Variants in DENND3 observed in about 807,000 individuals in gnomAD.
The protein encoded by DENND3 is DENN domain-containing protein 3.
A neutral mutation model predicts 135.1 loss-of-function variants in DENND3; 88 were observed. The observed-to-expected ratio is 0.65, with a 90% CI of 0.55 to 0.78. DENND3 has a LOEUF of 0.78. Ranked by LOEUF, DENND3 falls within the 30% of genes least tolerant of loss-of-function variation. The pLI is 0.00. For synonymous variants in DENND3, 693 were observed against 712.3 expected (o/e 0.97, Z 0.43); for missense variants, 1,392 against 1,688.4 (o/e 0.82, Z 3.08).
rs528310551 is a variant in DENND3 at position 141,182,413 on chromosome 8, G to A, written c.2944+1559G>A. 8 of 985,446 alleles carry A rather than the reference G, an allele frequency of 8.1e-6. No homozygotes were observed. In the South Asian group the frequency reaches 2.3e-4, roughly 29 times the overall value. The allele number at this position is 985,446 out of a possible 1,614,324, so 61.0% of individuals were successfully genotyped here. ...CGTGAGCCCTACCTGATGTGTCTAA[G>A]CCAGGCTCTGTGCTGACTTCGCCAG... On this transcript the variant is annotated intron_variant, in intron 17 of 22. Transcript: ENST00000519811. The surrounding 1 kb of genome is among the most constrained non-coding windows in gnomAD (Gnocchi z 5.9).
At chr8:141,149,222 T>C (rs1818503724) in intron 5 of DENND3, among the ~76,000 whole-genome samples, 1 of 152,244 alleles carries the variant, frequency 6.6e-6, no homozygotes, top group African/African-American at 2.4e-5. Flanking sequence ...ATTTGCCTTA[T>C]TTTTAACATG....
chr8:141,181,811 G>A (rs1355617538), intron 17 of DENND3, among the ~76,000 whole-genome samples: 1 of 151,432 alleles, frequency 6.6e-6, no homozygotes, highest in Admixed American at 6.6e-5. Context: ...TTGCTCTGTT[G>A]CCCAGGCTGG....
At position 141,163,330 on chromosome 8, in the gene DENND3, T is replaced by C. The variant is rs1211366495; in HGVS notation, c.1353-3T>C. 6.4e-7 allele frequency: 1 copy of C among 1,568,242 alleles called. No homozygotes were observed. Among genetic ancestry groups the C allele is most frequent in the South Asian group, 1.1e-5 (1 of 87,518 alleles). ...GCACTCAGACTCTCTTTCTCTTTGT[T>C]AGGGATGTAAAGAATCATTTAAACT... On this transcript the variant is annotated splice_region_variant and splice_polypyrimidine_tract_variant and intron_variant, in intron 9 of 22. Coordinates refer to ENST00000519811, the MANE Select transcript of DENND3 (RefSeq NM_001352890.3).
intron 8 of DENND3, chr8:141,158,089 T>G (rs1234708667): frequency 2.4e-6 from 3 of 1,244,660 alleles, no homozygotes; most frequent in Non-Finnish European, 3.1e-6. Context: ...TGTTCTTGCA[T>G]CTTAAAAAAT....
chr8:141,138,843 C>T lies in DENND3; in HGVS notation c.501+706C>T, dbSNP rs531319856. 2.2e-4 allele frequency among the ~76,000 whole-genome samples: 33 copies of T among 152,286 alleles called. No individual in the cohort carries two copies. In the Middle Eastern group the frequency reaches 0.014, roughly 63 times the overall value. On this transcript the variant is annotated intron_variant, in intron 3 of 22. Coordinates refer to ENST00000519811, the MANE Select transcript of DENND3 (RefSeq NM_001352890.3). The surrounding 1 kb of genome is among the most constrained non-coding windows in gnomAD (Gnocchi z 4.8). Reference sequence around the variant, plus strand: ...GCCAGTGCCCCGTGGCCTTTTATGGCGAGTGACATTCCATCGTTTGGATGG... The same window carrying T: ...GCCAGTGCCCCGTGGCCTTTTATGGTGAGTGACATTCCATCGTTTGGATGG...
intron 13 of DENND3, among the ~76,000 whole-genome samples, chr8:141,171,211 A>T (rs879520090): frequency 6.6e-6 from 1 of 152,240 alleles, no homozygotes; most frequent in Non-Finnish European, 1.5e-5. Context: ...GTTAAAAAAA[A>T]CAACAAGGTT....
chr8:141,137,859 A>G lies in DENND3; in HGVS notation c.386-163A>G, dbSNP rs1240030626. 6.6e-6 allele frequency among the ~76,000 whole-genome samples: 1 copy of G among 152,210 alleles called. No homozygotes were observed. Among genetic ancestry groups the G allele is most frequent in the Non-Finnish European group, 1.5e-5 (1 of 68,038 alleles). ...GTGGGGAGGGACTCAGGGAGGATAG[A>G]CGGCCGGAGGCGTGATCGGAAGAAT... On this transcript the variant is annotated intron_variant, in intron 2 of 22. Transcript: ENST00000519811. The surrounding 1 kb of genome is among the most constrained non-coding windows in gnomAD (Gnocchi z 4.1).
At chr8:141,188,516 C>T (rs2154613527) in intron 18 of DENND3, 1 of 151,126 alleles carries the variant, frequency 6.6e-6, no homozygotes, top group South Asian at 2.0e-4. Context: ...ACTTGAGTCA[C>T]CTGATATGGA....
At position 141,194,961 on chromosome 8, in the gene DENND3, TATC is replaced by T. The variant is rs1291892450; in HGVS notation, c.*731_*733del. 1.3e-5 allele frequency: 2 copies of T among 152,256 alleles called. No homozygotes were observed. Among genetic ancestry groups the T allele is most frequent in the Non-Finnish European group, 2.9e-5 (2 of 68,054 alleles). The allele number at this position is 152,256 out of a possible 1,614,324, so 9.4% of individuals were successfully genotyped here. A position where few individuals can be genotyped will look rare whatever the true frequency, so the allele number is the denominator to read the frequency against. ...AGACCAGAAAAAGTTCCATCTAAAA[TATC>T]ATGCCCAGGAAAGCACATGGGATCA... On this transcript the variant is annotated 3_prime_UTR_variant, in exon 23 of 23. Coordinates refer to ENST00000519811, the MANE Select transcript of DENND3 (RefSeq NM_001352890.3).
intron 22 of DENND3, 102 bp from the exon 23 acceptor site, chr8:141,193,931 G>C (rs1825101860): frequency 7.6e-7 from 1 of 1,311,022 alleles, no homozygotes; most frequent in Non-Finnish European, 1.1e-6. Context: ...GAAGGACATA[G>C]ATTTGGAGGC....
intron 17 of DENND3, among the ~76,000 whole-genome samples, chr8:141,181,879 C>T (rs1166205947): frequency 6.6e-6 from 1 of 151,966 alleles, no homozygotes; most frequent in Non-Finnish European, 1.5e-5. Context: ...TTCAAGCGAT[C>T]CTCTTGCCTC....
chr8:141,190,369 C>T lies in DENND3; in HGVS notation c.3331C>T (p.Arg1111Ter). The T allele has an allele frequency of 1.9e-6, 3 of 1,612,992 alleles. No individual in the cohort carries two copies. The highest frequency in any genetic ancestry group is 1.7e-5 in the Admixed American group (1 of 59,936). ...LQVTSRFQLP[R>*]GGLTSIRLHG... ...GGTGACCAGCCGCTTCCAGCTGCCG[C>T]GAGGTGGCCTGACGTCCATCAGACT... The change falls in exon 20 of 23, where the codon CGA (arginine) becomes TGA (stop). Residue 1111 changes from arginine to a stop codon, truncating the protein, a stop_gained. Coordinates refer to ENST00000519811, the MANE Select transcript of DENND3 (RefSeq NM_001352890.3). LOFTEE classifies it high-confidence loss of function.
chr8:141,161,172 A>G (rs993929852), intron 9 of DENND3, among the ~76,000 whole-genome samples: 4 of 151,974 alleles, frequency 2.6e-5, no homozygotes, highest in Non-Finnish European at 4.4e-5. Context: ...AGCACCTGTC[A>G]CTCTGGCCTG....
chr8:141,145,827 ATATATATATATATATATATATATGTAT>A lies in DENND3; in HGVS notation c.735+1570_735+1596del, dbSNP rs1264923504. 1.0e-3 allele frequency among the ~76,000 whole-genome samples: 84 copies of A among 81,120 alleles called. 6 individuals carry two copies. The highest frequency in any genetic ancestry group is 6.9e-3 in the African/African-American group (80 of 11,606). The allele number at this position is 81,120 out of a possible 152,430, so 53.2% of individuals were successfully genotyped here. ...ATTATATATATATATATATATATAT[ATATATATATATATATATATATATGTAT>A]TTTTTTTTTTTTGAGGCGGAGTCTT... On this transcript the variant is annotated intron_variant, in intron 5 of 22. Coordinates refer to ENST00000519811, the MANE Select transcript of DENND3 (RefSeq NM_001352890.3).
At chr8:141,143,593 C>CG (rs1014501785) in intron 4 of DENND3, among the ~76,000 whole-genome samples, 5 of 152,068 alleles carry the variant, frequency 3.3e-5, no homozygotes, top group African/African-American at 4.8e-5. Flanking sequence ...TTTGTAGAGA[C>CG]GGGGGTCTCA....
At chr8:141,172,058 TG>T in intron 13 of DENND3, among the ~76,000 whole-genome samples, 1 of 140,898 alleles carries the variant, frequency 7.1e-6, no homozygotes. Flanking sequence ...GTGAGCATAG[TG>T]GTGGGCACGC....
At chr8:141,189,743 G>A (rs977366000) in intron 19 of DENND3, among the ~76,000 whole-genome samples, 2 of 152,204 alleles carry the variant, frequency 1.3e-5, no homozygotes, top group South Asian at 2.1e-4. Context: ...AGGCCCTGTT[G>A]GGGTGGGTAG....
At chr8:141,155,991 T>C (rs550922983) in intron 8 of DENND3, 21 bp downstream of exon 8, 1 of 1,579,184 alleles carries the variant, frequency 6.3e-7, no homozygotes, top group African/African-American at 1.4e-5. Context: ...ACATTAATGG[T>C]ATGAATTTCA....
At chr8:141,162,529 G>T (rs183705221) in intron 9 of DENND3, among the ~76,000 whole-genome samples, 1 of 152,132 alleles carries the variant, frequency 6.6e-6, no homozygotes, top group Non-Finnish European at 1.5e-5. Flanking sequence ...AACACATTAC[G>T]TACTAAGTAT....
Sources: allele counts gnomAD v4.1 joint callset (sites outside exome capture counted in the v4.1 genomes callset), GRCh38; gene constraint gnomAD v4.1.1; non-coding constraint Gnocchi (gnomAD v3.1); transcripts MANE v1.5; gene names NCBI Gene and HGNC (gene_info 2026-07-23, HGNC 2026-07-21).